Variants in DIAPH3 observed in about 807,000 individuals in gnomAD.
DIAPH3 encodes the protein protein diaphanous homolog 3.
A neutral mutation model predicts 144.3 loss-of-function variants in DIAPH3; 117 were observed. The ratio of observed to expected loss-of-function variants is 0.81; its 90% CI spans 0.70 to 0.95. The LOEUF is 0.95. DIAPH3 is among the 40% of genes least tolerant of loss of function. The probability of loss-of-function intolerance (pLI) is 0.00; values close to 1 mark genes in which losing one functional copy is unlikely to be tolerated. For missense variants in DIAPH3, 1,421 were observed against 1,412.7 expected, an observed-to-expected ratio of 1.01 and a Z score of -0.09; for synonymous variants, 519 against 488.9, an observed-to-expected ratio of 1.06 and a Z score of -0.81.
intron 1 of DIAPH3, among the ~76,000 whole-genome samples, chr13:60,135,531 C>G (rs190693776): frequency 6.6e-6 from 1 of 152,124 alleles, no homozygotes; most frequent in Non-Finnish European, 1.5e-5. Context: ...TTCATCATTC[C>G]TTCTCTTCCA....
At chr13:59,834,778 T>C (rs995878199) in intron 23 of DIAPH3, among the ~76,000 whole-genome samples, 1 of 151,762 alleles carries the variant, frequency 6.6e-6, no homozygotes, top group Non-Finnish European at 1.5e-5. Context: ...AAACATTTCA[T>C]AAAATTCATT....
In DIAPH3 at chr13:60,042,725, C is replaced by T. The variant is rs1394365750; in HGVS notation, c.591G>A (p.Glu197=). ...TGCTGGTCAAAGACACTCGGAGAGA[C>T]TCCAGGCATGTGACAAGTCTCTCAT... is the stretch of plus-strand genomic sequence containing the variant. ...SADERLVTCL[E]SLRVSLTSNP... Residue 197 remains glutamate, a synonymous_variant, in exon 5 of 28, where the codon GAG becomes GAA. Transcript: ENST00000400324. 1 of 1,613,636 alleles carries T rather than the reference C, an allele frequency of 6.2e-7. No homozygotes were observed. The highest frequency in any genetic ancestry group is 8.5e-7 in the Non-Finnish European group (1 of 1,179,796).
In DIAPH3 at chr13:59,969,984, C is replaced by G; in HGVS notation, c.2034G>C (p.Leu678Phe). Residue 678 changes from leucine (L) to phenylalanine (F), a missense_variant, in exon 17 of 28, where the codon TTG (leucine) becomes TTC (phenylalanine). Transcript: ENST00000400324. ...AAAATGTATTCTCAAGTTTACAAAG[C>G]AAATCCACGTTTTCATACTTATTTT... is the stretch of plus-strand genomic sequence containing the variant. ...VNENKYENVD[L>F]LCKLENTFCC... The G allele has an allele frequency of 6.2e-7, 1 of 1,609,764 alleles. No homozygotes were observed. Among genetic ancestry groups the G allele is most frequent in the South Asian group, 1.1e-5 (1 of 90,430 alleles).
At chr13:59,900,535 C>T (rs927423823) in intron 20 of DIAPH3, among the ~76,000 whole-genome samples, 2 of 152,128 alleles carry the variant, frequency 1.3e-5, no homozygotes, top group Non-Finnish European at 2.9e-5. Context: ...TTGCAATTGT[C>T]CTTTGAGAGG....
At chr13:59,980,770 T>C (rs753660459) in intron 14 of DIAPH3, 25 bp downstream of exon 14, 8 of 1,589,270 alleles carry the variant, frequency 5.0e-6, no homozygotes, top group African/African-American at 2.7e-5. Context: ...CACAGAATAC[T>C]ATAAAGTTAG....
chr13:60,091,118 A>G (rs2057914624), intron 4 of DIAPH3, among the ~76,000 whole-genome samples: 1 of 152,200 alleles, frequency 6.6e-6, no homozygotes, highest in African/African-American at 2.4e-5. Context: ...ATAATAAATG[A>G]ATTCCTACTT....
At position 59,741,280 on chromosome 13, in the gene DIAPH3, A is replaced by T. The variant is rs190339324; in HGVS notation, c.3319+32909T>A. On this transcript the variant is annotated intron_variant, in intron 27 of 27. Transcript: ENST00000400324. ...AAGTGTATCTATAGAGAACAAACAC[A>T]TAAACAAAAAATCTGAGTGAATATC... 6.6e-4 allele frequency among the ~76,000 whole-genome samples: 101 copies of T among 152,358 alleles called. No individual in the cohort carries two copies. In the East Asian group the frequency reaches 0.016, roughly 25 times the overall value.
At chr13:59,912,069 G>A (rs770187650) in intron 19 of DIAPH3, among the ~76,000 whole-genome samples, 7 of 152,026 alleles carry the variant, frequency 4.6e-5, no homozygotes, top group Non-Finnish European at 8.8e-5. Flanking sequence ...TACTGAAACT[G>A]AATGTTTATT....
chr13:60,109,513 A>G (rs2058510734), intron 3 of DIAPH3, among the ~76,000 whole-genome samples: 1 of 151,914 alleles, frequency 6.6e-6, no homozygotes. Context: ...GGCCAACCAC[A>G]TCCCCAACAA....
At chr13:59,789,137 G>A (rs867656294) in intron 25 of DIAPH3, among the ~76,000 whole-genome samples, 1 of 152,076 alleles carries the variant, frequency 6.6e-6, no homozygotes, top group African/African-American at 2.4e-5. Flanking sequence ...GTCGGCGGGT[G>A]GGGGGGAATG....
intron 27 of DIAPH3, among the ~76,000 whole-genome samples, chr13:59,712,011 G>A (rs1358615670): frequency 6.6e-6 from 1 of 151,858 alleles, no homozygotes; most frequent in African/African-American, 2.4e-5. Context: ...TCCTCTCTTG[G>A]GACAATAAAA....
chr13:59,747,570 T>C (rs1331023726), intron 27 of DIAPH3, among the ~76,000 whole-genome samples: 1 of 152,148 alleles, frequency 6.6e-6, no homozygotes, highest in African/African-American at 2.4e-5. Context: ...TGGAGTGTAT[T>C]TTCAAGCCAT....
chr13:59,807,977 C>G (rs1177847101), intron 25 of DIAPH3, among the ~76,000 whole-genome samples: 1 of 151,632 alleles, frequency 6.6e-6, no homozygotes, highest in Admixed American at 6.6e-5. Flanking sequence ...AATTTAGAAA[C>G]AGATCCTTTT....
intron 4 of DIAPH3, among the ~76,000 whole-genome samples, chr13:60,080,158 A>C (rs193009021): frequency 6.6e-6 from 1 of 152,084 alleles, no homozygotes; most frequent in Non-Finnish European, 1.5e-5. Context: ...TCTAGAAAAA[A>C]TATATTGTAT....
intron 24 of DIAPH3, among the ~76,000 whole-genome samples, chr13:59,815,614 A>C (rs2040726858): frequency 6.6e-6 from 1 of 152,066 alleles, no homozygotes; most frequent in Admixed American, 6.6e-5. Flanking sequence ...GTAACATATA[A>C]AAATGTAATT....
At chr13:59,974,022 T>C (rs1158346717) in intron 15 of DIAPH3, among the ~76,000 whole-genome samples, 1 of 152,124 alleles carries the variant, frequency 6.6e-6, no homozygotes, top group African/African-American at 2.4e-5. Context: ...TGAGCAATAA[T>C]TTCTTGTAGT....
At chr13:60,010,299 A>T (rs2053156781) in intron 8 of DIAPH3, among the ~76,000 whole-genome samples, 1 of 152,178 alleles carries the variant, frequency 6.6e-6, no homozygotes. Flanking sequence ...TTTAAATATG[A>T]TAAGGAAATC....
At chr13:59,861,235 C>T (rs904526337) in intron 22 of DIAPH3, 172 bp downstream of exon 22, 3 of 1,507,480 alleles carry the variant, frequency 2.0e-6, no homozygotes, top group South Asian at 1.3e-5. Flanking sequence ...AAACTCATAG[C>T]TCCAATCATG....
intron 4 of DIAPH3, among the ~76,000 whole-genome samples, chr13:60,069,114 A>T (rs980593719): frequency 6.6e-5 from 10 of 152,140 alleles, no homozygotes; most frequent in Admixed American, 5.9e-4. Context: ...GTGTATAAGC[A>T]TTCATTTTTC....
Sources: allele counts gnomAD v4.1 joint callset (sites outside exome capture counted in the v4.1 genomes callset), GRCh38; gene constraint gnomAD v4.1.1; transcripts MANE v1.5; gene names NCBI Gene and HGNC (gene_info 2026-07-23, HGNC 2026-07-21).